Variants in CCSER1 observed in about 807,000 individuals in gnomAD.
The protein encoded by CCSER1 is serine-rich coiled-coil domain-containing protein 1.
A neutral mutation model predicts 82.0 loss-of-function variants in CCSER1; 41 were observed. The observed-to-expected ratio is 0.50, with a 90% CI of 0.39 to 0.65. The LOEUF is 0.65. Ranked by LOEUF, CCSER1 falls within the 30% of genes least tolerant of loss-of-function variation. The pLI is 0.00. For synonymous variants in CCSER1, 414 were observed against 383.9 expected (o/e 1.08, Z -0.92); for missense variants, 1,119 against 1,064.2 (o/e 1.05, Z -0.72).
At chr4:90,907,199 T>C (rs1725617364) in intron 8 of CCSER1, among the ~76,000 whole-genome samples, 1 of 152,062 alleles carries the variant, frequency 6.6e-6, no homozygotes, top group African/African-American at 2.4e-5. Flanking sequence ...ACAGATCATG[T>C]CAATAAGAAG....
intron 1 of CCSER1, among the ~76,000 whole-genome samples, chr4:90,299,608 C>G (rs971089878): frequency 6.6e-6 from 1 of 152,056 alleles, no homozygotes; most frequent in Non-Finnish European, 1.5e-5. Context: ...GCAGAAGTGG[C>G]TTTCGTCATT....
intron 10 of CCSER1, among the ~76,000 whole-genome samples, chr4:91,473,570 G>T (rs1757403156): frequency 6.6e-6 from 1 of 152,018 alleles, no homozygotes; most frequent in South Asian, 2.1e-4. Flanking sequence ...ACCCTAGCTA[G>T]CTCTTTTATC....
At chr4:91,046,718 G>T (rs1170423742) in intron 9 of CCSER1, among the ~76,000 whole-genome samples, 1 of 151,712 alleles carries the variant, frequency 6.6e-6, no homozygotes, top group Admixed American at 6.6e-5. Flanking sequence ...TTGTTGTTTT[G>T]TTTTGGGAGC....
In CCSER1 at chr4:91,312,475, A is replaced by C. The variant is rs191126339; in HGVS notation, c.2217+226481A>C. 1.9e-4 allele frequency among the ~76,000 whole-genome samples: 29 copies of C among 152,008 alleles called. 1 individual carries two copies. The East Asian group carries it at 5.1e-3, about 27-fold the overall frequency. On this transcript the variant is annotated intron_variant, in intron 10 of 10. Coordinates refer to ENST00000509176, the MANE Select transcript of CCSER1 (RefSeq NM_001145065.2). The stretch of plus-strand genomic sequence containing the variant: ...TTGCTAGGGATATACTGGTGAACGA[A>C]AGTTAGCATCATCCCTGCTTTCATG...
chr4:91,428,418 A>C (rs575839752), intron 10 of CCSER1, among the ~76,000 whole-genome samples: 1 of 152,170 alleles, frequency 6.6e-6, no homozygotes, highest in African/African-American at 2.4e-5. Context: ...ATAATATGGC[A>C]AATGCAGTTG....
chr4:91,439,395 C>A (rs994655751), intron 10 of CCSER1, among the ~76,000 whole-genome samples: 2 of 151,890 alleles, frequency 1.3e-5, no homozygotes, highest in Non-Finnish European at 2.9e-5. Context: ...TTCATAAGTG[C>A]AAGAGAAATA....
intron 4 of CCSER1, among the ~76,000 whole-genome samples, chr4:90,458,463 C>T (rs1189825809): frequency 6.6e-6 from 1 of 152,102 alleles, no homozygotes; most frequent in Non-Finnish European, 1.5e-5. Context: ...AAGCAATTCT[C>T]CTGCCTCAGT....
intron 10 of CCSER1, among the ~76,000 whole-genome samples, chr4:91,105,949 C>G (rs1035101876): frequency 3.3e-5 from 5 of 152,014 alleles, no homozygotes; most frequent in Admixed American, 3.3e-4. Context: ...TTTTGTACAG[C>G]CTGCTGCTCC....
At chr4:91,303,656 G>A (rs1277329994) in intron 10 of CCSER1, among the ~76,000 whole-genome samples, 6 of 151,700 alleles carry the variant, frequency 4.0e-5, no homozygotes, top group Non-Finnish European at 8.8e-5. Context: ...TTAGCTAGGT[G>A]CAGTGGTGCA....
chr4:90,381,652 A>G (rs1011112065), intron 3 of CCSER1, among the ~76,000 whole-genome samples: 32 of 152,236 alleles, frequency 2.1e-4, no homozygotes, highest in African/African-American at 6.5e-4. Flanking sequence ...AAGAGGGGGA[A>G]AATGCACTTA....
At chr4:90,418,145 C>T (rs144029579) in intron 4 of CCSER1, among the ~76,000 whole-genome samples, 4 of 151,994 alleles carry the variant, frequency 2.6e-5, no homozygotes, top group East Asian at 1.9e-4. Context: ...TGAAAATGGG[C>T]GCGATGATGT....
At chr4:91,199,679 T>C (rs937806404) in intron 10 of CCSER1, among the ~76,000 whole-genome samples, 2 of 152,070 alleles carry the variant, frequency 1.3e-5, no homozygotes, top group African/African-American at 4.8e-5. Flanking sequence ...TTGAGAATCA[T>C]TAATATGGAT....
At chr4:91,551,313 A>G (rs909058598) in intron 10 of CCSER1, among the ~76,000 whole-genome samples, 2 of 152,274 alleles carry the variant, frequency 1.3e-5, no homozygotes, top group Admixed American at 6.5e-5. Flanking sequence ...TTAAATGTTT[A>G]CAGTTTATCT....
intron 10 of CCSER1, among the ~76,000 whole-genome samples, chr4:91,284,515 G>A (rs1425224426): frequency 1.3e-5 from 2 of 152,062 alleles, no homozygotes; most frequent in African/African-American, 4.8e-5. Context: ...GTGACAGCTT[G>A]TCTGCTTTAA....
intron 10 of CCSER1, among the ~76,000 whole-genome samples, chr4:91,314,057 C>T (rs370764912): frequency 1.3e-5 from 2 of 152,064 alleles, no homozygotes; most frequent in South Asian, 2.1e-4. Context: ...ATCTTCAAAA[C>T]GGAATTCCTT....
rs534694541 is a variant in CCSER1, at chr4:91,180,611, G to A, written c.2217+94617G>A. On this transcript the variant is annotated intron_variant, in intron 10 of 10. Transcript: ENST00000509176. ...TGTGGGCTTGGGACCATCTGAGCCAGGCACAGGATTTAATCTCCTGGTGTG... is the reference window on the plus strand; with the variant it reads ...TGTGGGCTTGGGACCATCTGAGCCAAGCACAGGATTTAATCTCCTGGTGTG... Among the ~76,000 whole-genome samples, 7 of 152,346 alleles carry A rather than the reference G, an allele frequency of 4.6e-5. No homozygotes were observed. In the East Asian group the frequency reaches 7.7e-4, roughly 17 times the overall value.
At chr4:91,009,559 T>C (rs1021994232) in intron 9 of CCSER1, among the ~76,000 whole-genome samples, 1 of 152,136 alleles carries the variant, frequency 6.6e-6, no homozygotes, top group African/African-American at 2.4e-5. Flanking sequence ...TTCTGGTTGG[T>C]TTGTTGCTCT....
intron 10 of CCSER1, among the ~76,000 whole-genome samples, chr4:91,176,340 T>G (rs1191348967): frequency 6.6e-6 from 1 of 150,774 alleles, no homozygotes; most frequent in Non-Finnish European, 1.5e-5. Flanking sequence ...CTTTGAAGTA[T>G]TTTTTTCCAA....
intron 6 of CCSER1, among the ~76,000 whole-genome samples, chr4:90,687,805 C>T (rs1429949839): frequency 5.9e-5 from 9 of 152,104 alleles, no homozygotes; most frequent in Non-Finnish European, 8.8e-5. Flanking sequence ...TGCCTTAGAA[C>T]ATATACTTCA....
Sources: gnomAD v4.1 joint callset for allele counts (sites outside exome capture counted in the v4.1 genomes callset) on GRCh38, gnomAD v4.1.1 for gene constraint, MANE v1.5 for transcripts, NCBI Gene and HGNC (gene_info 2026-07-23, HGNC 2026-07-21) for gene names.